Variants in TMEM182 observed in about 807,000 individuals in gnomAD.
The protein encoded by TMEM182 is transmembrane protein 182.
Under a neutral mutation model 26.8 loss-of-function variants are expected in TMEM182, and 20 were observed. That is an observed-to-expected ratio of 0.75 (90% CI 0.53 to 1.09). The LOEUF (loss-of-function observed/expected upper bound fraction) is 1.09, where lower values mean the gene tolerates loss of function less well. TMEM182 is among the 50% of genes least tolerant of loss of function. TMEM182 has a pLI of 0.00. For missense variants in TMEM182, 277 were observed against 275.5 expected (o/e 1.01, Z -0.04); for synonymous variants, 109 against 102.2 (o/e 1.07, Z -0.40).
intron 3 of TMEM182, among the ~76,000 whole-genome samples, chr2:102,770,679 G>A (rs558285211): frequency 3.9e-5 from 6 of 152,216 alleles, no homozygotes; most frequent in East Asian, 3.9e-4. Flanking sequence ...AACCGCACAC[G>A]GATGCTTGGG....
At chr2:102,783,328 T>A (rs115571518) in intron 3 of TMEM182, among the ~76,000 whole-genome samples, 266 of 152,360 alleles carry the variant, frequency 1.7e-3, no homozygotes, top group African/African-American at 6.2e-3. Context: ...TGTATGCAGT[T>A]CATTATCAAA....
At chr2:102,835,645 C>T (rs1293379200) in intron 3 of TMEM182, among the ~76,000 whole-genome samples, 2 of 151,584 alleles carry the variant, frequency 1.3e-5, no homozygotes, top group Non-Finnish European at 3.0e-5. Flanking sequence ...GATCTTTTCA[C>T]CATTTTTATA....
intron 3 of TMEM182, among the ~76,000 whole-genome samples, chr2:102,797,046 C>G (rs1681899430): frequency 6.6e-6 from 1 of 152,178 alleles, no homozygotes; most frequent in South Asian, 2.1e-4. Flanking sequence ...TTATCCAACT[C>G]AAAAATGATC....
intron 3 of TMEM182, among the ~76,000 whole-genome samples, chr2:102,783,875 C>T (rs1478181185): frequency 1.3e-5 from 2 of 152,302 alleles, no homozygotes; most frequent in Admixed American, 6.5e-5. Flanking sequence ...AATAAATAAA[C>T]TGCACACATT....
chr2:102,819,682 A>G (rs1439489041), downstream of TMEM182, among the ~76,000 whole-genome samples: 2 of 152,248 alleles, frequency 1.3e-5, no homozygotes, highest in African/African-American at 2.4e-5. Flanking sequence ...TGTAAAGTGT[A>G]TACATGAACG....
upstream of TMEM182, among the ~76,000 whole-genome samples, chr2:102,759,141 T>A (rs1362403856): frequency 6.6e-6 from 1 of 152,118 alleles, no homozygotes; most frequent in African/African-American, 2.4e-5. Context: ...TTTCCCCTAA[T>A]TAAAAAAAAT....
intron 4 of TMEM182, among the ~76,000 whole-genome samples, chr2:102,812,682 A>G (rs1217123433): frequency 1.3e-5 from 2 of 152,224 alleles, no homozygotes; most frequent in East Asian, 3.8e-4. Context: ...TCAATTTTTG[A>G]AAAGATAAAT....
In TMEM182 at chr2:102,814,768, G is replaced by C; in HGVS notation, c.490G>C (p.Val164Leu). ...IAAGILFSLV[V>L]MLYVIWVQAV... ...CTCAGGCATCCTATTTTCATTGGTGGTGATGCTGTATGTCATCTGGGTCCA... is the reference window on the plus strand; with the variant it reads ...CTCAGGCATCCTATTTTCATTGGTGCTGATGCTGTATGTCATCTGGGTCCA... Residue 164 changes from valine to leucine, a missense_variant, in exon 5 of 5, where the codon GTG becomes CTG. Coordinates refer to ENST00000412401, the MANE Select transcript of TMEM182 (RefSeq NM_144632.5). 1 of 1,613,648 alleles carries C rather than the reference G, an allele frequency of 6.2e-7. No individual in the cohort carries two copies. Among genetic ancestry groups the C allele is most frequent in the African/African-American group, 1.3e-5 (1 of 75,014 alleles).
At chr2:102,813,225 C>T (rs537189010) in intron 4 of TMEM182, among the ~76,000 whole-genome samples, 2 of 152,264 alleles carry the variant, frequency 1.3e-5, no homozygotes, top group African/African-American at 4.8e-5. Context: ...AGCCCTTCTT[C>T]TTTTGTGTTT....
At position 102,815,432 on chromosome 2, in the gene TMEM182, A is replaced by C; in HGVS notation, c.*464A>C. On this transcript the variant is annotated 3_prime_UTR_variant, in exon 5 of 5. Coordinates refer to ENST00000412401, the MANE Select transcript of TMEM182 (RefSeq NM_144632.5). ...CCACACAGATAATATCCACATACACATTCACTGGCTCTTGTGAGCAAATGA... is the reference window on the plus strand; with the variant it reads ...CCACACAGATAATATCCACATACACCTTCACTGGCTCTTGTGAGCAAATGA... 1.0e-6 allele frequency: 1 copy of C among 989,842 alleles called. No homozygotes were observed. The highest frequency in any genetic ancestry group is 1.2e-6 in the Non-Finnish European group (1 of 832,962). 61.3% of individuals were successfully genotyped at this position (989,842 alleles called of 1,614,324 possible). A position where few individuals can be genotyped will look rare whatever the true frequency, so the allele number is the denominator to read the frequency against.
intron 3 of TMEM182, 119 bp from the exon 4 acceptor site, chr2:102,797,744 G>C: frequency 1.6e-6 from 2 of 1,215,866 alleles, no homozygotes; most frequent in Non-Finnish European, 2.3e-6. Context: ...ATTCTATCTA[G>C]CAGTGCCATA....
At chr2:102,741,345 G>A (rs377566306) in intron 1 of TMEM182, among the ~76,000 whole-genome samples, 43 of 152,234 alleles carry the variant, frequency 2.8e-4, no homozygotes, top group Non-Finnish European at 5.0e-4. Flanking sequence ...TGGATGTTAC[G>A]TACAGAAGAT....
Position 102,812,113 on chromosome 2 carries a change from T to C in TMEM182, c.470-2635T>C, listed in dbSNP as rs561765507. Among the ~76,000 whole-genome samples the C allele has an allele frequency of 4.4e-4, 67 of 152,314 alleles. 1 individual carries two copies. Among genetic ancestry groups the C allele is most frequent in the African/African-American group, 1.1e-3 (46 of 41,566 alleles). The stretch of plus-strand genomic sequence containing the variant: ...GTCACACTGATATATCCAATTCTAA[T>C]CAAATTCTAATCACTGTAGGGTTTA... On this transcript the variant is annotated intron_variant, in intron 4 of 4. Transcript: ENST00000412401.
At chr2:102,843,697 G>A (rs569469422) in exon 4 of TMEM182, 159 of 152,306 alleles carry the variant, frequency 1.0e-3, no homozygotes, top group African/African-American at 3.7e-3. Flanking sequence ...ATGCCTAAAT[G>A]TTTCTGTACT....
intron 3 of TMEM182, among the ~76,000 whole-genome samples, chr2:102,793,061 T>C (rs1411855856): frequency 1.3e-5 from 2 of 152,190 alleles, no homozygotes; most frequent in African/African-American, 4.8e-5. Context: ...TCCCTGAGCC[T>C]GGGCTTCCCT....
chr2:102,784,909 T>C (rs143984781), intron 3 of TMEM182, among the ~76,000 whole-genome samples: 1 of 152,296 alleles, frequency 6.6e-6, no homozygotes, highest in East Asian at 1.9e-4. Context: ...CAGCAAGGTC[T>C]TTATGACTTG....
intron 3 of TMEM182, among the ~76,000 whole-genome samples, chr2:102,782,860 CAT>C (rs1172852605): frequency 3.9e-5 from 6 of 152,032 alleles, no homozygotes; most frequent in Non-Finnish European, 8.8e-5. Context: ...AGTTTGGGGA[CAT>C]GGGGATAAAA....
intron 1 of TMEM182, among the ~76,000 whole-genome samples, chr2:102,755,217 T>A (rs1041374610): frequency 6.6e-6 from 1 of 152,222 alleles, no homozygotes; most frequent in Admixed American, 6.5e-5. Flanking sequence ...GCTTTTCAAA[T>A]GAAAGAACCA....
chr2:102,810,746 A>G (rs1343551680), intron 4 of TMEM182, among the ~76,000 whole-genome samples: 1 of 152,154 alleles, frequency 6.6e-6, no homozygotes, highest in Admixed American at 6.5e-5. Flanking sequence ...AAAAATAGGT[A>G]TTATAAAATT....
Sources: gnomAD v4.1 joint callset for allele counts (sites outside exome capture counted in the v4.1 genomes callset) on GRCh38, gnomAD v4.1.1 for gene constraint, MANE v1.5 for transcripts, NCBI Gene and HGNC (gene_info 2026-07-23, HGNC 2026-07-21) for gene names.